TTYH2: variants seen among roughly 807,000 people sequenced by gnomAD.
TTYH2 encodes tweety family member 2.
A neutral mutation model predicts 68.3 loss-of-function variants in TTYH2; 49 were observed. The ratio of observed to expected loss-of-function variants is 0.72; its 90% CI spans 0.57 to 0.91. The LOEUF (loss-of-function observed/expected upper bound fraction) is 0.91, where lower values mean the gene tolerates loss of function less well. Ranked by LOEUF, TTYH2 falls within the 40% of genes least tolerant of loss-of-function variation. TTYH2 has a pLI of 0.00. For missense variants in TTYH2, 631 were observed against 700.4 expected (o/e 0.90, Z 1.12); for synonymous variants, 272 against 300.8 (o/e 0.90, Z 0.99).
At chr17:74,216,711 G>C (rs2050224830) in intron 1 of TTYH2, among the ~76,000 whole-genome samples, 1 of 152,236 alleles carries the variant, frequency 6.6e-6, no homozygotes, top group African/African-American at 2.4e-5. Context: ...TGAGCACCAA[G>C]GCAGGGCTGT....
chr17:74,246,923 C>T (rs2050564070), intron 6 of TTYH2, among the ~76,000 whole-genome samples: 1 of 152,062 alleles, frequency 6.6e-6, no homozygotes, highest in Non-Finnish European at 1.5e-5. Flanking sequence ...TGGCTCACAC[C>T]TGTAATCCCA....
intron 2 of TTYH2, among the ~76,000 whole-genome samples, chr17:74,230,643 CTT>C (rs749699251): frequency 1.3e-4 from 19 of 141,684 alleles, no homozygotes; most frequent in Non-Finnish European, 1.4e-4. Context: ...TAAAAACAAG[CTT>C]TTTTTTTTTT....
At chr17:74,250,899 C>T (rs9897556) in intron 10 of TTYH2, among the ~76,000 whole-genome samples, 63,182 of 152,054 alleles carry the variant, frequency 0.42, 13,826 homozygotes, top group African/African-American at 0.53. Context: ...CAGCTCCATG[C>T]TTGGCCCTGT....
At chr17:74,250,578 A>G in intron 10 of TTYH2, 3 of 533,644 alleles carry the variant, frequency 5.6e-6, no homozygotes, top group Non-Finnish European at 1.0e-5. Flanking sequence ...TCGGGATGGG[A>G]GGGTTGGATG....
chr17:74,250,606 C>G, intron 10 of TTYH2: 1 of 482,186 alleles, frequency 2.1e-6, no homozygotes, highest in Non-Finnish European at 3.7e-6. Flanking sequence ...CTCTGGGTCA[C>G]TGGGGGACCC....
chr17:74,235,332 G>A (rs914734964), intron 3 of TTYH2, among the ~76,000 whole-genome samples: 2 of 152,184 alleles, frequency 1.3e-5, no homozygotes, highest in African/African-American at 4.8e-5. Flanking sequence ...CAGACCCGTG[G>A]GAGCTGAAGG....
intron 2 of TTYH2, 69 bp from the exon 3 acceptor site, chr17:74,230,818 AT>A (rs2050380584): frequency 1.5e-5 from 23 of 1,537,038 alleles, no homozygotes; most frequent in Non-Finnish European, 2.0e-5. Context: ...CCCTAAGCTT[AT>A]TTTTTAATAT....
rs973984331 is a variant in TTYH2, at chr17:74,241,262, C to CATGT, written c.636-2112_636-2111insATGT. On this transcript the variant is annotated intron_variant, in intron 4 of 13. Coordinates refer to ENST00000269346, the MANE Select transcript of TTYH2 (RefSeq NM_032646.6). The surrounding 1 kb of genome is among the most constrained non-coding windows in gnomAD (Gnocchi z 4.1). ...ATAGACAGACCCGGTATTTATAATA[C>CATGT]GTGTGTGTGTGTGTGTGTGTGTGTG... 2.8e-5 allele frequency among the ~76,000 whole-genome samples: 4 copies of CATGT among 144,796 alleles called. No homozygotes were observed. The highest frequency in any genetic ancestry group is 1.0e-4 in the African/African-American group (4 of 39,010). 95.0% of individuals were successfully genotyped at this position (144,796 alleles called of 152,430 possible). A position where few individuals can be genotyped will look rare whatever the true frequency, so the allele number is the denominator to read the frequency against.
chr17:74,240,748 G>T (rs1551861), intron 4 of TTYH2: 1 of 152,190 alleles, frequency 6.6e-6, no homozygotes, highest in Non-Finnish European at 1.5e-5. Flanking sequence ...AGAGGGAGCC[G>T]GGGTGGGAGT....
In TTYH2 at chr17:74,249,328, T is replaced by C; in HGVS notation, c.875-16T>C. 2 of 1,614,102 alleles carry C rather than the reference T, an allele frequency of 1.2e-6. No individual in the cohort carries two copies. Among genetic ancestry groups the C allele is most frequent in the Non-Finnish European group, 1.7e-6 (2 of 1,179,986 alleles). On this transcript the variant is annotated splice_polypyrimidine_tract_variant and intron_variant, in intron 7 of 13. Transcript: ENST00000269346. ...GTCATTTGTGAGCTGCCTAACGTTA[T>C]GCCGTTGCCCTGCAGAGGTGACTCG...
At chr17:74,248,156 G>A in intron 6 of TTYH2, 5 of 588,798 alleles carry the variant, frequency 8.5e-6, no homozygotes, top group Non-Finnish European at 1.1e-5. Flanking sequence ...CGGGGAGCAT[G>A]TGCCAGAGGA....
chr17:74,238,272 C>T (rs889790984), intron 4 of TTYH2, among the ~76,000 whole-genome samples: 5 of 152,164 alleles, frequency 3.3e-5, no homozygotes, highest in Admixed American at 6.5e-5. Context: ...GATGAGCACC[C>T]GGCTAAGGGT....
At chr17:74,224,998 C>CAA (rs112895924) in intron 2 of TTYH2, among the ~76,000 whole-genome samples, 8,319 of 123,166 alleles carry the variant, frequency 0.068, 653 homozygotes, top group African/African-American at 0.21. Flanking sequence ...GACTCCGTCT[C>CAA]AAAAAAAAAA....
chr17:74,243,402 C>G lies in TTYH2; in HGVS notation c.664C>G (p.Leu222Val), dbSNP rs778338388. Reference protein sequence around the residue: ...RWLSYLLLFILDLVICLIACL... With the variant: ...RWLSYLLLFIVDLVICLIACL... Reference sequence around the variant, plus strand: ...GCTCTCCTACCTCCTGCTCTTTATCCTGGACCTGGTCATCTGCCTCATTGC... The same window carrying G: ...GCTCTCCTACCTCCTGCTCTTTATCGTGGACCTGGTCATCTGCCTCATTGC... The change falls in exon 5 of 14, where the codon CTG (leucine) becomes GTG (valine). Residue 222 changes from leucine to valine, a missense_variant. Leu to Val is a conservative substitution (Grantham distance 32). Transcript: ENST00000269346. 6.2e-7 allele frequency: 1 copy of G among 1,614,218 alleles called. No homozygotes were observed. Among genetic ancestry groups the G allele is most frequent in the Admixed American group, 1.7e-5 (1 of 60,028 alleles).
At chr17:74,254,179 A>T (rs1598234734) in intron 13 of TTYH2, among the ~76,000 whole-genome samples, 3 of 122,444 alleles carry the variant, frequency 2.5e-5, no homozygotes, top group East Asian at 2.0e-4. Context: ...TTATTTATTT[A>T]TTTATTTATT....
At chr17:74,249,443 C>T (rs765452562) in intron 8 of TTYH2, 44 bp downstream of exon 8, 2 of 1,601,450 alleles carry the variant, frequency 1.2e-6, no homozygotes, top group South Asian at 2.2e-5. Context: ...CACAGCCGCT[C>T]CCCCTTGACC....
Position 74,213,693 on chromosome 17 carries a change from C to A in TTYH2, c.106C>A (p.Pro36Thr). The change falls in exon 1 of 14, where the codon CCC (proline) becomes ACC (threonine). Residue 36 changes from proline (P) to threonine (T), a missense_variant. Physicochemically the swap from Pro to Thr is conservative, Grantham distance 38 (BLOSUM62 -1). Coordinates refer to ENST00000269346, the MANE Select transcript of TTYH2 (RefSeq NM_032646.6). The surrounding 1 kb of genome is among the most constrained non-coding windows in gnomAD (Gnocchi z 6.1). ...RLQPVNSTFS[P>T]GDESYQESLL... The stretch of plus-strand genomic sequence containing the variant: ...GCAGCCCGTGAACAGCACCTTCAGC[C>A]CCGGCGACGAGAGTTACCAGGAGGT... 6.2e-7 allele frequency: 1 copy of A among 1,612,648 alleles called. No homozygotes were observed. Among genetic ancestry groups the A allele is most frequent in the Non-Finnish European group, 8.5e-7 (1 of 1,179,504 alleles).
In TTYH2 at chr17:74,213,955, T is replaced by TGGGGAAGGG. The variant is rs1461305904; in HGVS notation, c.129+241_129+249dup. On this transcript the variant is annotated intron_variant, in intron 1 of 13. Transcript: ENST00000269346. The surrounding 1 kb of genome is among the most constrained non-coding windows in gnomAD (Gnocchi z 6.1). ...TGAAGAGATCAGAGTGAAGCGAGCG[T>TGGGGAAGGG]GGGGAAGGGGAGGAAGGGCGCAAGA... Among the ~76,000 whole-genome samples the TGGGGAAGGG allele has an allele frequency of 6.8e-6, 1 of 146,830 alleles. No individual in the cohort carries two copies. The highest frequency in any genetic ancestry group is 6.7e-5 in the Admixed American group (1 of 14,888).
At chr17:74,252,939 G>A in intron 11 of TTYH2, 142 bp from the exon 12 acceptor site, 1 of 797,222 alleles carries the variant, frequency 1.3e-6, no homozygotes, top group Non-Finnish European at 2.0e-6. Context: ...GGCAGGCTGG[G>A]GACCGCGTTT....
Sources: allele counts gnomAD v4.1 joint callset (sites outside exome capture counted in the v4.1 genomes callset), GRCh38; gene constraint gnomAD v4.1.1; non-coding constraint Gnocchi (gnomAD v3.1); transcripts MANE v1.5; gene names NCBI Gene and HGNC (gene_info 2026-07-23, HGNC 2026-07-21).